Variants in XKR9 observed in about 807,000 individuals in gnomAD.
XKR9 encodes the protein XK related 9, also known as XK-related protein 9.
In XKR9, 32 loss-of-function variants were observed where a neutral mutation model predicts 32.0. The ratio of observed to expected loss-of-function variants is 1.00; its 90% CI spans 0.76 to 1.34. The LOEUF is 1.34. XKR9 is among the 40% of genes most tolerant of loss of function. XKR9 has a pLI of 0.00. For missense variants in XKR9, 546 were observed against 429.7 expected (o/e 1.27, Z -2.39); for synonymous variants, 168 against 143.4 (o/e 1.17, Z -1.22).
chr8:70,848,263 C>A, the XKR9 span, among the ~76,000 whole-genome samples: 1 of 152,010 alleles, frequency 6.6e-6, no homozygotes, highest in Admixed American at 6.6e-5. Flanking sequence ...TAAAATTCAA[C>A]ATCCTTTTAT....
chr8:70,883,674 A>G, the XKR9 span, among the ~76,000 whole-genome samples: 2 of 152,102 alleles, frequency 1.3e-5, no homozygotes, highest in African/African-American at 2.4e-5. Context: ...TCACTTAGCT[A>G]TATGATTTAA....
the XKR9 span, among the ~76,000 whole-genome samples, chr8:70,969,184 T>G: frequency 6.6e-6 from 1 of 152,268 alleles, no homozygotes; most frequent in African/African-American, 2.4e-5. Flanking sequence ...AAATTAAACT[T>G]TAAAGCAAGA....
the XKR9 span, among the ~76,000 whole-genome samples, chr8:70,953,756 C>A: frequency 6.6e-6 from 1 of 152,326 alleles, no homozygotes; most frequent in African/African-American, 2.4e-5. Context: ...GGGGTCTGTG[C>A]TTCTCACTGA....
the XKR9 span, among the ~76,000 whole-genome samples, chr8:70,889,201 A>AT: frequency 1.1e-3 from 161 of 149,074 alleles, 1 homozygote; most frequent in African/African-American, 3.7e-3. Flanking sequence ...GGTTTATTTT[A>AT]TTTTTTTTAG....
the XKR9 span, among the ~76,000 whole-genome samples, chr8:71,051,614 G>A: frequency 6.6e-6 from 1 of 151,928 alleles, no homozygotes; most frequent in African/African-American, 2.4e-5. Context: ...TTTCTAGAAT[G>A]GATCAGTTTC....
intron 2 of XKR9, among the ~76,000 whole-genome samples, chr8:70,742,065 C>T (rs1411187408): frequency 2.0e-5 from 3 of 150,946 alleles, no homozygotes; most frequent in Non-Finnish European, 4.4e-5. Context: ...TGATGTTAAT[C>T]ATCTTTTTAT....
the XKR9 span, among the ~76,000 whole-genome samples, chr8:70,994,751 T>G: frequency 6.8e-6 from 1 of 148,064 alleles, no homozygotes; most frequent in African/African-American, 2.6e-5. Context: ...TATTCTGTTT[T>G]TTTTTTTTTT....
At chr8:70,983,425 A>G in the XKR9 span, among the ~76,000 whole-genome samples, 1 of 152,192 alleles carries the variant, frequency 6.6e-6, no homozygotes. Flanking sequence ...GACTCCATGC[A>G]GGCTGGCACT....
At chr8:70,775,533 A>C (rs907681309) in intron 2 of XKR9, among the ~76,000 whole-genome samples, 2 of 152,132 alleles carry the variant, frequency 1.3e-5, no homozygotes, top group Non-Finnish European at 2.9e-5. Context: ...GAATTTTGTC[A>C]AATGCTTTCT....
the XKR9 span, among the ~76,000 whole-genome samples, chr8:70,933,463 T>G: frequency 6.6e-6 from 1 of 151,796 alleles, no homozygotes; most frequent in Admixed American, 6.6e-5. Context: ...TTTCCTGGCA[T>G]AACGTACATA....
At chr8:70,910,652 A>G in the XKR9 span, among the ~76,000 whole-genome samples, 2 of 152,340 alleles carry the variant, frequency 1.3e-5, no homozygotes, top group East Asian at 1.9e-4. Flanking sequence ...ATGATAAATT[A>G]CTACAAACGT....
At chr8:70,906,774 A>G in the XKR9 span, among the ~76,000 whole-genome samples, 1 of 152,192 alleles carries the variant, frequency 6.6e-6, no homozygotes, top group Non-Finnish European at 1.5e-5. Flanking sequence ...ACCTTTTAAT[A>G]TTGGCATCTA....
intron 2 of XKR9, among the ~76,000 whole-genome samples, chr8:70,785,188 A>T (rs1297943958): frequency 6.6e-6 from 1 of 151,888 alleles, no homozygotes; most frequent in Non-Finnish European, 1.5e-5. Flanking sequence ...TCTCCTTACT[A>T]ATTATTGGTC....
the XKR9 span, among the ~76,000 whole-genome samples, chr8:71,032,427 A>G: frequency 6.6e-6 from 1 of 152,140 alleles, no homozygotes; most frequent in Non-Finnish European, 1.5e-5. Context: ...TATTACATAA[A>G]ATCACTAGTT....
chr8:70,803,629 C>A, the XKR9 span, among the ~76,000 whole-genome samples: 1 of 151,976 alleles, frequency 6.6e-6, no homozygotes, highest in Non-Finnish European at 1.5e-5. Flanking sequence ...TTTTTTGATT[C>A]CTTTAGAGGT....
intron 2 of XKR9, among the ~76,000 whole-genome samples, chr8:70,771,670 G>C (rs372419): frequency 3.9e-5 from 6 of 152,186 alleles, no homozygotes; most frequent in Non-Finnish European, 8.8e-5. Context: ...GGTTTGTCTA[G>C]ATCAAAAGAA....
chr8:71,027,879 C>T, the XKR9 span, among the ~76,000 whole-genome samples: 5 of 151,820 alleles, frequency 3.3e-5, no homozygotes, highest in Admixed American at 3.3e-4. Flanking sequence ...TCAAGTGATC[C>T]TCCCACCTCG....
chr8:70,673,575 A>G (rs1247671951), intron 1 of XKR9, among the ~76,000 whole-genome samples: 2 of 151,988 alleles, frequency 1.3e-5, no homozygotes, highest in South Asian at 4.1e-4. Flanking sequence ...GACTAGCCTG[A>G]CCAACATGGT....
At chr8:70,840,700 G>A in the XKR9 span, among the ~76,000 whole-genome samples, 16 of 152,184 alleles carry the variant, frequency 1.1e-4, no homozygotes, top group African/African-American at 2.6e-4. Flanking sequence ...GTGCATCCTC[G>A]AGGCAACTGC....
Sources: gnomAD v4.1 joint callset for allele counts (sites outside exome capture counted in the v4.1 genomes callset) on GRCh38, gnomAD v4.1.1 for gene constraint, MANE v1.5 for transcripts, NCBI Gene and HGNC (gene_info 2026-07-23, HGNC 2026-07-21) for gene names.